CNTNAP3B: variants seen among roughly 807,000 people sequenced by gnomAD.
The protein encoded by CNTNAP3B is contactin-associated protein-like 3B.
CNTNAP3B carries 25 observed loss-of-function variants against 108.9 expected under a neutral mutation model. The ratio of observed to expected loss-of-function variants is 0.23; its 90% CI spans 0.17 to 0.32. CNTNAP3B has a LOEUF of 0.32. CNTNAP3B is among the 10% of genes least tolerant of loss of function. CNTNAP3B has a pLI of 1.00. For missense variants in CNTNAP3B, 252 were observed against 1,210.4 expected, an observed-to-expected ratio of 0.21 and a Z score of 11.75; for synonymous variants, 103 against 473.4, an observed-to-expected ratio of 0.22 and a Z score of 10.16.
In CNTNAP3B at chr9:42,121,224, G is replaced by A. The variant is rs1214612824; in HGVS notation, c.85+7786C>T. ...CGGCTTCCTGAGAGCTTCCCAGGGA[G>A]TTCACGCCCCAGTTGCTCACAGAAG... is the stretch of plus-strand genomic sequence containing the variant. On this transcript the variant is annotated intron_variant, in intron 1 of 23. Transcript: ENST00000377561. Among the ~76,000 whole-genome samples, 2 of 138,614 alleles carry A rather than the reference G, an allele frequency of 1.4e-5. 1 individual carries two copies. Among genetic ancestry groups the A allele is most frequent in the Non-Finnish European group, 3.1e-5 (2 of 64,848 alleles). The allele number at this position is 138,614 out of a possible 152,430, so 90.9% of individuals were successfully genotyped here. A position where few individuals can be genotyped will look rare whatever the true frequency, so the allele number is the denominator to read the frequency against.
At chr9:42,037,165 C>T (rs1194488738) in intron 3 of CNTNAP3B, among the ~76,000 whole-genome samples, 1 of 148,426 alleles carries the variant, frequency 6.7e-6, no homozygotes, top group East Asian at 2.0e-4. Flanking sequence ...GAATGCAGCT[C>T]CTCATCAGCA....
At chr9:42,019,633 C>T (rs1264957706) in intron 3 of CNTNAP3B, among the ~76,000 whole-genome samples, 2 of 149,464 alleles carry the variant, frequency 1.3e-5, no homozygotes, top group African/African-American at 2.5e-5. Flanking sequence ...TGGTGGCGTG[C>T]CCCTGTAGTC....
chr9:42,066,219 T>A (rs1373445587), intron 3 of CNTNAP3B, among the ~76,000 whole-genome samples: 1 of 137,196 alleles, frequency 7.3e-6, no homozygotes, highest in Non-Finnish European at 1.6e-5. Context: ...TACCTCATAG[T>A]AATGTTTTAA....
chr9:42,109,387 T>C (rs1250298149), intron 1 of CNTNAP3B, among the ~76,000 whole-genome samples: 2 of 146,764 alleles, frequency 1.4e-5, no homozygotes, highest in Non-Finnish European at 3.0e-5. Flanking sequence ...AAGATAAACA[T>C]AAACCATGCA....
chr9:41,950,916 T>A (rs1473758774), intron 13 of CNTNAP3B, among the ~76,000 whole-genome samples: 2 of 149,538 alleles, frequency 1.3e-5, no homozygotes, highest in African/African-American at 4.9e-5. Flanking sequence ...CCACCACACC[T>A]GGCTACTTTT....
intron 13 of CNTNAP3B, among the ~76,000 whole-genome samples, chr9:41,947,212 AT>A (rs1162118112): frequency 1.2e-4 from 18 of 150,064 alleles, no homozygotes; most frequent in East Asian, 3.9e-4. Context: ...CAGAATATAC[AT>A]TTTTTTTTCA....
chr9:41,960,136 T>A (rs1304448723), intron 12 of CNTNAP3B: 1 of 158,052 alleles, frequency 6.3e-6, no homozygotes, highest in Non-Finnish European at 1.4e-5. Flanking sequence ...TAGCTGGGAC[T>A]ACAGGTGTGG....
At chr9:41,993,504 A>C (rs1825843901) in intron 7 of CNTNAP3B, 1 of 110,920 alleles carries the variant, frequency 9.0e-6, no homozygotes, top group Non-Finnish European at 1.9e-5. Flanking sequence ...AAATTTAAAA[A>C]AGAAAACATT....
intron 1 of CNTNAP3B, among the ~76,000 whole-genome samples, chr9:42,112,758 A>G (rs1257012367): frequency 1.5e-5 from 2 of 137,606 alleles, no homozygotes; most frequent in Admixed American, 7.3e-5. Flanking sequence ...CTACAAATAT[A>G]AAGTTATAAC....
chr9:41,959,488 T>A (rs1468533430), intron 12 of CNTNAP3B, among the ~76,000 whole-genome samples: 1 of 152,304 alleles, frequency 6.6e-6, no homozygotes, highest in African/African-American at 2.4e-5. Flanking sequence ...GATTTCCTCA[T>A]CTTAAAATGA....
chr9:41,958,240 T>C (rs1387574624), intron 12 of CNTNAP3B, among the ~76,000 whole-genome samples: 2 of 152,306 alleles, frequency 1.3e-5, no homozygotes, highest in African/African-American at 2.4e-5. Flanking sequence ...CCCAAGTAGC[T>C]GGGACTACAG....
intron 13 of CNTNAP3B, among the ~76,000 whole-genome samples, chr9:41,940,393 G>A (rs1304890769): frequency 6.6e-6 from 1 of 152,300 alleles, no homozygotes; most frequent in Non-Finnish European, 1.5e-5. Flanking sequence ...TAATTTGAAT[G>A]ATAGTAGATT....
intron 3 of CNTNAP3B, among the ~76,000 whole-genome samples, chr9:42,030,687 A>G (rs2118477388): frequency 2.4e-5 from 2 of 85,070 alleles, no homozygotes; most frequent in South Asian, 4.9e-4. Flanking sequence ...CCCTCACTGG[A>G]CACCACCCTT....
intron 11 of CNTNAP3B, among the ~76,000 whole-genome samples, chr9:41,963,835 G>A (rs1296388662): frequency 2.6e-5 from 4 of 152,308 alleles, no homozygotes; most frequent in Non-Finnish European, 5.9e-5. Flanking sequence ...CCTCAACTCT[G>A]CAATGAAGAT....
intron 3 of CNTNAP3B, among the ~76,000 whole-genome samples, chr9:42,055,718 C>T (rs1827053565): frequency 2.4e-5 from 2 of 84,736 alleles, no homozygotes; most frequent in Non-Finnish European, 4.7e-5. Flanking sequence ...TTCAAGAAAT[C>T]ATATTCATAA....
At chr9:42,111,712 C>G (rs546303538) in intron 1 of CNTNAP3B, among the ~76,000 whole-genome samples, 1 of 138,502 alleles carries the variant, frequency 7.2e-6, no homozygotes, top group Non-Finnish European at 1.5e-5. Flanking sequence ...TGTCCTGAGC[C>G]CCCACCCTTA....
chr9:41,935,972 A>G (rs1824144476), intron 14 of CNTNAP3B, among the ~76,000 whole-genome samples: 1 of 152,274 alleles, frequency 6.6e-6, no homozygotes, highest in Admixed American at 6.5e-5. Context: ...CACTCAATAC[A>G]GGTGGCTCCA....
chr9:41,937,100 T>TAC lies in CNTNAP3B; in HGVS notation c.2237+1143_2237+1144insGT, dbSNP rs2118050763. ...CTGACACCTGGAATGACCATTACAT[T>TAC]TTTTATTTATTAATTTATTATTATT... On this transcript the variant is annotated intron_variant, in intron 14 of 23. Transcript: ENST00000377561. 3.3e-3 allele frequency among the ~76,000 whole-genome samples: 415 copies of TAC among 127,212 alleles called. 8 individuals are homozygous for TAC. Among genetic ancestry groups the TAC allele is most frequent in the African/African-American group, 0.013 (395 of 30,904 alleles). The allele number at this position is 127,212 out of a possible 152,430, so 83.5% of individuals were successfully genotyped here.
At chr9:42,060,058 T>C (rs932303515) in intron 3 of CNTNAP3B, among the ~76,000 whole-genome samples, 1 of 149,292 alleles carries the variant, frequency 6.7e-6, no homozygotes, top group Non-Finnish European at 1.5e-5. Context: ...CTTTCAGTAC[T>C]GTGTTGAAAG....
Sources: gnomAD v4.1 joint callset for allele counts (sites outside exome capture counted in the v4.1 genomes callset) on GRCh38, gnomAD v4.1.1 for gene constraint, MANE v1.5 for transcripts, NCBI Gene and HGNC (gene_info 2026-07-23, HGNC 2026-07-21) for gene names.